Variants in GALNTL6 observed in about 807,000 individuals in gnomAD.
The protein encoded by GALNTL6 is polypeptide N-acetylgalactosaminyltransferase like 6.
A neutral mutation model predicts 73.7 loss-of-function variants in GALNTL6; 46 were observed. The observed-to-expected ratio is 0.62, with a 90% CI of 0.49 to 0.80. The LOEUF (loss-of-function observed/expected upper bound fraction) is 0.80. Ranked by LOEUF, GALNTL6 falls within the 30% of genes least tolerant of loss-of-function variation. The pLI, the probability that GALNTL6 is intolerant of heterozygous loss-of-function variation, is 0.00. For missense variants in GALNTL6, 604 were observed against 755.0 expected (o/e 0.80, Z 2.34); for synonymous variants, 259 against 263.7 (o/e 0.98, Z 0.17).
intron 5 of GALNTL6, among the ~76,000 whole-genome samples, chr4:172,725,666 C>T (rs1249556636): frequency 6.6e-6 from 1 of 152,116 alleles, no homozygotes; most frequent in Non-Finnish European, 1.5e-5. Flanking sequence ...CTTAGAGTTT[C>T]TTGACAAATG....
chr4:172,732,432 TG>T (rs1736207218), intron 5 of GALNTL6, among the ~76,000 whole-genome samples: 1 of 152,146 alleles, frequency 6.6e-6, no homozygotes, highest in African/African-American at 2.4e-5. Flanking sequence ...ACAGGTAAAG[TG>T]GGGTTTTTGA....
chr4:172,219,117 G>GT (rs1736586931), intron 2 of GALNTL6, among the ~76,000 whole-genome samples: 1 of 117,840 alleles, frequency 8.5e-6, no homozygotes, highest in East Asian at 2.0e-4. Context: ...ATAAATATAT[G>GT]TTAAAAAAAA....
At chr4:172,853,919 C>T (rs565047980) in intron 7 of GALNTL6, among the ~76,000 whole-genome samples, 1 of 152,098 alleles carries the variant, frequency 6.6e-6, no homozygotes, top group Non-Finnish European at 1.5e-5. Flanking sequence ...TCCTCTCCAA[C>T]TCTATGTTTT....
chr4:171,943,399 G>A (rs1242806076), intron 2 of GALNTL6, among the ~76,000 whole-genome samples: 3 of 152,112 alleles, frequency 2.0e-5, no homozygotes, highest in African/African-American at 7.2e-5. Context: ...TTCCAAGTTA[G>A]AGATGGAATT....
chr4:172,091,310 A>C (rs187557544), intron 2 of GALNTL6, among the ~76,000 whole-genome samples: 10 of 152,292 alleles, frequency 6.6e-5, no homozygotes, highest in African/African-American at 2.2e-4. Context: ...TTCAGATTAG[A>C]CTTTTAAAAG....
chr4:172,109,730 G>C (rs573661660), intron 2 of GALNTL6, among the ~76,000 whole-genome samples: 3 of 152,262 alleles, frequency 2.0e-5, no homozygotes, highest in Admixed American at 2.0e-4. Flanking sequence ...GAAACAGAAA[G>C]CAAAGCTCCC....
At chr4:172,820,091 G>C (rs1221595402) in intron 7 of GALNTL6, among the ~76,000 whole-genome samples, 1 of 152,190 alleles carries the variant, frequency 6.6e-6, no homozygotes, top group Non-Finnish European at 1.5e-5. Context: ...CCTGCACAAG[G>C]GTGCCCAGTG....
At chr4:172,442,054 A>C (rs190084406) in intron 5 of GALNTL6, among the ~76,000 whole-genome samples, 3 of 152,182 alleles carry the variant, frequency 2.0e-5, no homozygotes, top group Non-Finnish European at 2.9e-5. Context: ...TATAAGAAAT[A>C]TATATTAAAT....
At chr4:172,467,000 ACTGT>A (rs1272340659) in intron 5 of GALNTL6, among the ~76,000 whole-genome samples, 2 of 152,164 alleles carry the variant, frequency 1.3e-5, no homozygotes, top group Non-Finnish European at 2.9e-5. Context: ...TGTATTATTA[ACTGT>A]CTGGGAGGAT....
chr4:172,542,112 T>C (rs991522399), intron 5 of GALNTL6, among the ~76,000 whole-genome samples: 4 of 151,474 alleles, frequency 2.6e-5, no homozygotes, highest in Non-Finnish European at 5.9e-5. Flanking sequence ...GAGAAACAGC[T>C]TTATAGAGAA....
At chr4:172,812,009 AATGGATGGATGGATGGATGG>A (rs71910847) in intron 6 of GALNTL6, among the ~76,000 whole-genome samples, 47 of 148,312 alleles carry the variant, frequency 3.2e-4, no homozygotes, top group Non-Finnish European at 5.8e-4. Flanking sequence ...TGGATGGATA[AATGGATGGATGGATGGATGG>A]ATGGATGGAT....
intron 2 of GALNTL6, among the ~76,000 whole-genome samples, chr4:172,161,237 C>T (rs1201534639): frequency 6.6e-6 from 1 of 151,826 alleles, no homozygotes; most frequent in Non-Finnish European, 1.5e-5. Context: ...TAATTGGTTG[C>T]ATTTTGCCAC....
At chr4:172,558,230 G>C (rs1290748064) in intron 5 of GALNTL6, among the ~76,000 whole-genome samples, 1 of 152,110 alleles carries the variant, frequency 6.6e-6, no homozygotes, top group Non-Finnish European at 1.5e-5. Context: ...AAAATGACAA[G>C]AGAACAGCAT....
chr4:172,355,734 C>T (rs910004185), intron 5 of GALNTL6, among the ~76,000 whole-genome samples: 2 of 152,040 alleles, frequency 1.3e-5, no homozygotes, highest in African/African-American at 4.8e-5. Context: ...ATTTTTTAAG[C>T]ATTTCATTTT....
chr4:171,825,855 G>C (rs981336346), intron 2 of GALNTL6, among the ~76,000 whole-genome samples: 9 of 152,112 alleles, frequency 5.9e-5, no homozygotes, highest in African/African-American at 2.2e-4. Flanking sequence ...ACATTCTGTT[G>C]AACATCACCG....
intron 2 of GALNTL6, among the ~76,000 whole-genome samples, chr4:172,187,224 A>T (rs1735441594): frequency 6.6e-6 from 1 of 152,052 alleles, no homozygotes; most frequent in African/African-American, 2.4e-5. Context: ...ATGAAATTTT[A>T]AAAAAATCCA....
At chr4:172,090,481 C>T (rs189739697) in intron 2 of GALNTL6, among the ~76,000 whole-genome samples, 21 of 152,094 alleles carry the variant, frequency 1.4e-4, no homozygotes, top group African/African-American at 3.1e-4. Flanking sequence ...ATATGTTTGT[C>T]GGCTGCATAA....
intron 2 of GALNTL6, among the ~76,000 whole-genome samples, chr4:171,995,579 T>G (rs1057428180): frequency 6.6e-6 from 1 of 152,072 alleles, no homozygotes. Flanking sequence ...AAAGAGTATG[T>G]GCAGTCTTTC....
intron 5 of GALNTL6, among the ~76,000 whole-genome samples, chr4:172,389,800 C>G (rs575332959): frequency 2.0e-5 from 3 of 152,180 alleles, no homozygotes; most frequent in South Asian, 4.1e-4. Flanking sequence ...TATTTTCTTA[C>G]TGTAATATAT....
Sources: allele counts gnomAD v4.1 joint callset (sites outside exome capture counted in the v4.1 genomes callset), GRCh38; gene constraint gnomAD v4.1.1; transcripts MANE v1.5; gene names NCBI Gene and HGNC (gene_info 2026-07-23, HGNC 2026-07-21).